The following CCSER1 variants were observed in gnomAD, a reference collection of about 807,000 sequenced individuals.
CCSER1 encodes serine-rich coiled-coil domain-containing protein 1.
A neutral mutation model predicts 82.0 loss-of-function variants in CCSER1; 41 were observed. The ratio of observed to expected loss-of-function variants is 0.50; its 90% confidence interval spans 0.39 to 0.65. CCSER1 has a LOEUF of 0.65. Ranked by LOEUF, CCSER1 falls within the 30% of genes least tolerant of loss-of-function variation. The probability of loss-of-function intolerance (pLI) is 0.00; values close to 1 mark genes in which losing one functional copy is unlikely to be tolerated. For missense variants in CCSER1, 1,119 were observed against 1,064.2 expected, an observed-to-expected ratio of 1.05 and a Z score of -0.72; for synonymous variants, 414 against 383.9, an observed-to-expected ratio of 1.08 and a Z score of -0.92.
chr4:91,568,455 G>A (rs1185783068), intron 10 of CCSER1, among the ~76,000 whole-genome samples: 5 of 152,086 alleles, frequency 3.3e-5, no homozygotes, highest in Non-Finnish European at 1.5e-5. Flanking sequence ...CAAGTTGTTT[G>A]CTTTCTACCC....
At chr4:90,838,425 T>C (rs989540836) in intron 8 of CCSER1, among the ~76,000 whole-genome samples, 4 of 151,702 alleles carry the variant, frequency 2.6e-5, no homozygotes, top group African/African-American at 9.7e-5. Flanking sequence ...TCAATTTATA[T>C]GATCTGCTTG....
intron 10 of CCSER1, among the ~76,000 whole-genome samples, chr4:91,247,262 A>C (rs1739869759): frequency 1.3e-5 from 2 of 151,010 alleles, no homozygotes; most frequent in Non-Finnish European, 1.5e-5. Context: ...AGATTGTGCC[A>C]CTGCACTCCA....
chr4:91,586,048 G>A (rs1763975752), intron 10 of CCSER1, among the ~76,000 whole-genome samples: 1 of 151,464 alleles, frequency 6.6e-6, no homozygotes, highest in African/African-American at 2.4e-5. Context: ...AGAGTAGTGG[G>A]CAGAATATAA....
intron 3 of CCSER1, among the ~76,000 whole-genome samples, chr4:90,354,069 TAAAG>T (rs1376322763): frequency 6.6e-6 from 1 of 152,086 alleles, no homozygotes; most frequent in Non-Finnish European, 1.5e-5. Context: ...GATAAACAGA[TAAAG>T]AATATGTGGT....
chr4:90,569,583 G>A (rs1211426918), intron 5 of CCSER1, among the ~76,000 whole-genome samples: 2 of 152,188 alleles, frequency 1.3e-5, no homozygotes, highest in African/African-American at 2.4e-5. Flanking sequence ...AGCTACAGGA[G>A]TTCTTATGAC....
chr4:90,294,479 T>C (rs1365537604), intron 1 of CCSER1, among the ~76,000 whole-genome samples: 3 of 152,108 alleles, frequency 2.0e-5, no homozygotes, highest in Non-Finnish European at 4.4e-5. Context: ...TAGGAATTGA[T>C]GTTTGTATTT....
intron 1 of CCSER1, among the ~76,000 whole-genome samples, chr4:90,225,247 T>C (rs1330316561): frequency 2.0e-5 from 3 of 148,452 alleles, no homozygotes; most frequent in Non-Finnish European, 4.5e-5. Flanking sequence ...TTTTTTTTTT[T>C]TTTTTTTTTG....
intron 8 of CCSER1, among the ~76,000 whole-genome samples, chr4:90,827,972 A>C (rs1490643838): frequency 2.0e-5 from 3 of 152,124 alleles, no homozygotes; most frequent in African/African-American, 7.2e-5. Context: ...TTTTGGAAAA[A>C]ATGAATGGGC....
rs1263992314 is a variant in CCSER1, at chr4:91,601,488, CAG to C, written c.*2432_*2433del. On this transcript the variant is annotated 3_prime_UTR_variant, in exon 11 of 11. Coordinates refer to ENST00000509176, the MANE Select transcript of CCSER1 (RefSeq NM_001145065.2). ...CTAATGTACATCAGTAACTGTAAAA[CAG>C]GGGTTCTTTGTAAGTTCCTCTTGTG... 1 of 151,972 alleles carries C rather than the reference CAG, an allele frequency of 6.6e-6. No individual in the cohort carries two copies. Among genetic ancestry groups the C allele is most frequent in the Non-Finnish European group, 1.5e-5 (1 of 67,932 alleles). 9.4% of individuals were successfully genotyped at this position (151,972 alleles called of 1,614,324 possible).
At chr4:91,187,620 C>T (rs925445926) in intron 10 of CCSER1, among the ~76,000 whole-genome samples, 3 of 151,726 alleles carry the variant, frequency 2.0e-5, no homozygotes, top group African/African-American at 4.8e-5. Context: ...GATGCGATCT[C>T]GGCTCACTGC....
chr4:91,400,934 A>G (rs1433647602), intron 10 of CCSER1, among the ~76,000 whole-genome samples: 2 of 151,902 alleles, frequency 1.3e-5, no homozygotes, highest in Admixed American at 1.3e-4. Context: ...TGATGCCATT[A>G]AAAATATTGG....
At chr4:91,072,318 A>G (rs1454857409) in intron 9 of CCSER1, among the ~76,000 whole-genome samples, 2 of 152,330 alleles carry the variant, frequency 1.3e-5, no homozygotes, top group Middle Eastern at 3.4e-3. Context: ...GCCTCAGGAA[A>G]TATTTCAATT....
intron 4 of CCSER1, among the ~76,000 whole-genome samples, chr4:90,437,189 T>C (rs1158319804): frequency 6.6e-6 from 1 of 152,152 alleles, no homozygotes; most frequent in Non-Finnish European, 1.5e-5. Flanking sequence ...GTACTCATTT[T>C]TATTTTATGT....
chr4:90,707,380 G>A (rs1377101629), intron 6 of CCSER1, among the ~76,000 whole-genome samples: 2 of 151,428 alleles, frequency 1.3e-5, no homozygotes, highest in Admixed American at 6.6e-5. Flanking sequence ...CACTTCAAAT[G>A]TGTACATGTG....
At chr4:90,892,354 G>A (rs1273886470) in intron 8 of CCSER1, among the ~76,000 whole-genome samples, 1 of 151,684 alleles carries the variant, frequency 6.6e-6, no homozygotes, top group East Asian at 1.9e-4. Context: ...CATATACAAA[G>A]AATATGTAAA....
intron 8 of CCSER1, among the ~76,000 whole-genome samples, chr4:90,853,616 T>C (rs189407788): frequency 6.6e-6 from 1 of 151,236 alleles, no homozygotes; most frequent in Non-Finnish European, 1.5e-5. Context: ...CCAATACTTT[T>C]AAAGACCAGT....
At chr4:90,886,793 A>G (rs1443124229) in intron 8 of CCSER1, among the ~76,000 whole-genome samples, 5 of 152,184 alleles carry the variant, frequency 3.3e-5, no homozygotes, top group Non-Finnish European at 7.3e-5. Context: ...ATTATAAAGA[A>G]TATTTCTTAA....
At chr4:90,917,463 A>G (rs561659760) in intron 8 of CCSER1, among the ~76,000 whole-genome samples, 4 of 152,178 alleles carry the variant, frequency 2.6e-5, no homozygotes, top group Non-Finnish European at 5.9e-5. Context: ...GAATTGAACA[A>G]TGAGAACACT....
chr4:90,465,549 T>C (rs1052061361), intron 4 of CCSER1, among the ~76,000 whole-genome samples: 2 of 152,328 alleles, frequency 1.3e-5, no homozygotes, highest in African/African-American at 4.8e-5. Flanking sequence ...TTCTCTACTT[T>C]CATTTTCATT....
Sources: allele counts gnomAD v4.1 joint callset (sites outside exome capture counted in the v4.1 genomes callset), GRCh38; gene constraint gnomAD v4.1.1; transcripts MANE v1.5; gene names NCBI Gene and HGNC (gene_info 2026-07-23, HGNC 2026-07-21).